ANXA4: variants seen among roughly 807,000 people sequenced by gnomAD.
ANXA4 encodes the protein 35-beta calcimedin.
Under a neutral mutation model 49.8 loss-of-function variants are expected in ANXA4, and 39 were observed. That is an observed-to-expected ratio of 0.78 (90% CI 0.61 to 1.02). ANXA4 has a LOEUF of 1.02. Among genes scored for constraint, ANXA4 ranks in the 50% least tolerant of loss-of-function variants. The probability of loss-of-function intolerance (pLI) is 0.00; values close to 1 mark genes in which losing one functional copy is unlikely to be tolerated. For missense variants in ANXA4, 360 were observed against 410.1 expected, an observed-to-expected ratio of 0.88 and a Z score of 1.05; for synonymous variants, 134 against 152.5, an observed-to-expected ratio of 0.88 and a Z score of 0.89.
intron 1 of ANXA4, among the ~76,000 whole-genome samples, chr2:69,770,774 CAT>C (rs966994749): frequency 2.6e-5 from 4 of 151,922 alleles, no homozygotes; most frequent in Non-Finnish European, 5.9e-5. Context: ...CAGACACACA[CAT>C]ATTGCTAATT....
At chr2:69,699,941 A>G (rs1321387685) in intron 2 of ANXA4, among the ~76,000 whole-genome samples, 1 of 152,242 alleles carries the variant, frequency 6.6e-6, no homozygotes, top group East Asian at 1.9e-4. Flanking sequence ...GAAGGCAGCC[A>G]TTCCAAAGAC....
chr2:69,733,344 C>G (rs1670154919), intron 3 of ANXA4, among the ~76,000 whole-genome samples: 1 of 152,166 alleles, frequency 6.6e-6, no homozygotes, highest in Non-Finnish European at 1.5e-5. Flanking sequence ...TGGCTCACAC[C>G]TGTAATCCCA....
intron 3 of ANXA4, among the ~76,000 whole-genome samples, chr2:69,802,300 CTTG>C (rs1673234568): frequency 6.6e-6 from 1 of 152,070 alleles, no homozygotes; most frequent in African/African-American, 2.4e-5. Flanking sequence ...ACCCTGAAAT[CTTG>C]AATTGGAATG....
At chr2:69,732,236 C>T (rs1480753767) in intron 3 of ANXA4, among the ~76,000 whole-genome samples, 2 of 151,424 alleles carry the variant, frequency 1.3e-5, no homozygotes, top group African/African-American at 4.8e-5. Context: ...CTCGGCCTCC[C>T]AAAGTGCTGG....
chr2:69,748,954 C>T (rs1670733917), intron 1 of ANXA4, among the ~76,000 whole-genome samples: 2 of 152,140 alleles, frequency 1.3e-5, no homozygotes, highest in South Asian at 4.1e-4. Flanking sequence ...CTCAAGTGAT[C>T]CACCTGCCTC....
intron 2 of ANXA4, chr2:69,700,267 A>C (rs1292008454): frequency 6.6e-6 from 1 of 152,204 alleles, no homozygotes; most frequent in Non-Finnish European, 1.5e-5. Context: ...TTATAGTCCC[A>C]GCTGCCCAGG....
At chr2:69,682,606 T>C (rs1040063275) in intron 2 of ANXA4, among the ~76,000 whole-genome samples, 10 of 152,186 alleles carry the variant, frequency 6.6e-5, no homozygotes, top group African/African-American at 2.4e-4. Context: ...ACAAGTTCTT[T>C]CTCAACAACT....
At chr2:69,746,827 GA>G (rs60256709) in intron 1 of ANXA4, among the ~76,000 whole-genome samples, 141,773 of 147,224 alleles carry the variant, frequency 0.96, 68,253 homozygotes, top group East Asian at 1. Context: ...ACAAACAAAT[GA>G]AAAAAAAAAA....
At chr2:69,784,300 C>A (rs1344209373) in intron 2 of ANXA4, among the ~76,000 whole-genome samples, 2 of 152,170 alleles carry the variant, frequency 1.3e-5, no homozygotes, top group Non-Finnish European at 2.9e-5. Flanking sequence ...TAAACGGAAC[C>A]ACCCTTGCCA....
rs903488079 is a variant in ANXA4, at chr2:69,745,108, G to GA, written c.-47+2942dup. Among the ~76,000 whole-genome samples, 12 of 150,828 alleles carry GA rather than the reference G, an allele frequency of 8.0e-5. No individual in the cohort carries two copies. In the South Asian group the frequency reaches 1.1e-3, roughly 13 times the overall value. ...GTGAGATCCTGTCTCTAAATAAAAA[G>GA]AAAAAAAAATAAGTTTGCAGTGAGT... On this transcript the variant is annotated intron_variant, in intron 1 of 12. Transcript: ENST00000394295.
intron 2 of ANXA4, among the ~76,000 whole-genome samples, chr2:69,695,169 T>C (rs947789581): frequency 2.0e-5 from 3 of 152,018 alleles, no homozygotes; most frequent in Admixed American, 1.3e-4. Context: ...AAAGTACACA[T>C]TAAATTCCAG....
intron 2 of ANXA4, among the ~76,000 whole-genome samples, chr2:69,685,239 A>G (rs541150605): frequency 6.6e-6 from 1 of 152,278 alleles, no homozygotes; most frequent in East Asian, 1.9e-4. Flanking sequence ...TGAGTTCACT[A>G]AAAACAAGTC....
At chr2:69,810,289 G>A (rs1338225235) in intron 6 of ANXA4, 8 of 296,848 alleles carry the variant, frequency 2.7e-5, no homozygotes, top group Non-Finnish European at 4.0e-5. Flanking sequence ...AACCCAGGAG[G>A]CAGAGGTTGC....
At chr2:69,781,394 G>T in intron 1 of ANXA4, 126 bp from the exon 2 acceptor site, 1 of 728,932 alleles carries the variant, frequency 1.4e-6, no homozygotes, top group Non-Finnish European at 2.4e-6. Context: ...TCAGTAACTG[G>T]CCTTTTGATT....
chr2:69,790,517 G>T (rs1158491646), intron 3 of ANXA4, among the ~76,000 whole-genome samples: 2 of 152,138 alleles, frequency 1.3e-5, no homozygotes, highest in Admixed American at 6.5e-5. Context: ...TATTATTAAT[G>T]GGGGCACTAT....
intron 2 of ANXA4, among the ~76,000 whole-genome samples, chr2:69,719,659 G>A (rs1033215660): frequency 2.6e-5 from 4 of 151,628 alleles, no homozygotes; most frequent in African/African-American, 9.7e-5. Context: ...GGCTGGTCTC[G>A]AACTCCTGAC....
chr2:69,731,544 A>AC (rs1227129474), intron 3 of ANXA4, among the ~76,000 whole-genome samples: 1 of 152,216 alleles, frequency 6.6e-6, no homozygotes, highest in East Asian at 1.9e-4. Flanking sequence ...GACCATGTTG[A>AC]CCCCTATGAT....
intron 9 of ANXA4, 118 bp downstream of exon 9, chr2:69,816,312 A>G (rs1235872329): frequency 2.6e-6 from 2 of 760,704 alleles, no homozygotes; most frequent in African/African-American, 3.5e-5. Context: ...ATTGTACCCA[A>G]GTGTCTTAGA....
At chr2:69,656,278 TATATATATAC>T (rs1199511557) in intron 2 of ANXA4, among the ~76,000 whole-genome samples, 1,334 of 132,212 alleles carry the variant, frequency 0.01, 185 homozygotes, top group East Asian at 0.078. Flanking sequence ...TGTATATACG[TATATATATAC>T]ATATATGTAT....
Sources: gnomAD v4.1 joint callset for allele counts (sites outside exome capture counted in the v4.1 genomes callset) on GRCh38, gnomAD v4.1.1 for gene constraint, MANE v1.5 for transcripts, NCBI Gene and HGNC (gene_info 2026-07-23, HGNC 2026-07-21) for gene names.